Variants in CCND1 observed in about 807,000 individuals in gnomAD.
The protein encoded by CCND1 is cyclin D1.
In CCND1, 9 loss-of-function variants were observed where a neutral mutation model predicts 26.1. The ratio of observed to expected loss-of-function variants is 0.35; its 90% CI spans 0.21 to 0.60. CCND1 has a LOEUF of 0.60. Among genes scored for constraint, CCND1 ranks in the 20% least tolerant of loss-of-function variants. CCND1 has a pLI of 0.79. For missense variants in CCND1, 335 were observed against 392.9 expected, an observed-to-expected ratio of 0.85 and a Z score of 1.25; for synonymous variants, 194 against 166.1, an observed-to-expected ratio of 1.17 and a Z score of -1.29.
chr11:69,641,425 T>C lies in CCND1; in HGVS notation c.112T>C (p.Cys38Arg), dbSNP rs2120080896. Residue 38 changes from cysteine to arginine, a missense_variant, in exon 1 of 5, where the codon TGC becomes CGC. Transcript: ENST00000227507. Reference sequence around the variant, plus strand: ...GGCCATGCTGAAGGCGGAGGAGACCTGCGCGCCCTCGGTGTCCTACTTCAA... The same window carrying C: ...GGCCATGCTGAAGGCGGAGGAGACCCGCGCGCCCTCGGTGTCCTACTTCAA... ...LRAMLKAEET[C>R]APSVSYFKCV... The C allele has an allele frequency of 9.9e-6, 16 of 1,613,428 alleles. No individual in the cohort carries two copies. The highest frequency in any genetic ancestry group is 1.4e-5 in the Non-Finnish European group (16 of 1,180,006).
chr11:69,649,701 G>A (rs905598623), intron 4 of CCND1, among the ~76,000 whole-genome samples: 1 of 152,176 alleles, frequency 6.6e-6, no homozygotes, highest in Non-Finnish European at 1.5e-5. Context: ...GGCAGCTGTG[G>A]GGCCAGAGGA....
chr11:69,651,221 A>T lies in CCND1; in HGVS notation c.827A>T (p.Glu276Val), dbSNP rs1436128793. Residue 276 changes from glutamate to valine, a missense_variant, in exon 5 of 5, where the codon GAG becomes GTG. By Grantham distance (121) the Glu-to-Val change is moderately radical. Coordinates refer to ENST00000227507, the MANE Select transcript of CCND1 (RefSeq NM_053056.3). The part of the protein sequence containing the change: ...MDPKAAEEEE[E>V]EEEEVDLACT... ...CCCAAGGCCGCCGAGGAGGAGGAAG[A>T]GGAGGAGGAGGAGGTGGACCTGGCT... 6.4e-7 allele frequency: 1 copy of T among 1,571,770 alleles called. No homozygotes were observed. The highest frequency in any genetic ancestry group is 8.7e-7 in the Non-Finnish European group (1 of 1,156,010).
At position 69,654,455 on chromosome 11, in the gene CCND1, A is replaced by G. The variant is rs1196301536; in HGVS notation, c.*3173A>G. 4.5e-6 allele frequency: 3 copies of G among 662,840 alleles called. No individual in the cohort carries two copies. The highest frequency in any genetic ancestry group is 8.3e-6 in the Non-Finnish European group (3 of 363,390). The allele number at this position is 662,840 out of a possible 1,614,324, so 41.1% of individuals were successfully genotyped here. On this transcript the variant is annotated 3_prime_UTR_variant, in exon 5 of 5. Coordinates refer to ENST00000227507, the MANE Select transcript of CCND1 (RefSeq NM_053056.3). This position sits in a 1 kb window ranked among gnomAD's most constrained non-coding sequence, Gnocchi z 6.3. The stretch of plus-strand genomic sequence containing the variant: ...AAAAGACAAACATGAAAGTCTAGAA[A>G]TAAAACTGGTAAAACCCCAGCGTGG...
chr11:69,649,271 C>A (rs573147916), intron 4 of CCND1, among the ~76,000 whole-genome samples: 2 of 152,236 alleles, frequency 1.3e-5, no homozygotes, highest in African/African-American at 4.8e-5. Flanking sequence ...TCGAACTCCA[C>A]GCCCTGAGTG....
chr11:69,646,348 G>T (rs1855779545), intron 3 of CCND1, among the ~76,000 whole-genome samples: 2 of 152,176 alleles, frequency 1.3e-5, no homozygotes, highest in African/African-American at 4.8e-5. Context: ...AGCCGGCTTT[G>T]TCTCCCCTTC....
chr11:69,641,591 CT>C, intron 1 of CCND1, 80 bp downstream of exon 1: 1 of 1,282,222 alleles, frequency 7.8e-7, no homozygotes, highest in African/African-American at 1.5e-5. Context: ...ACTCACCCCC[CT>C]CCCTTCTCTC....
intron 3 of CCND1, among the ~76,000 whole-genome samples, chr11:69,646,527 C>A (rs1362522693): frequency 6.6e-6 from 1 of 152,198 alleles, no homozygotes; most frequent in Non-Finnish European, 1.5e-5. Context: ...GCTCCCCCGA[C>A]CCCCCTTGTT....
chr11:69,647,881 T>C, intron 3 of CCND1, 113 bp from the exon 4 acceptor site: 2 of 1,233,770 alleles, frequency 1.6e-6, no homozygotes, highest in Non-Finnish European at 2.3e-6. Context: ...ACCGAGTGCT[T>C]CCCTTCAGGC....
At position 69,651,455 on chromosome 11, in the gene CCND1, T is replaced by A; in HGVS notation, c.*173T>A. ...CTCTTTCCCCCTTCCATCTCTGACT[T>A]AAGCAAAAGAAAAAGATTACCCAAA... is the stretch of plus-strand genomic sequence containing the variant. On this transcript the variant is annotated 3_prime_UTR_variant, in exon 5 of 5. Transcript: ENST00000227507. The A allele has an allele frequency of 2.0e-6, 1 of 504,858 alleles. No individual in the cohort carries two copies. Among genetic ancestry groups the A allele is most frequent in the Non-Finnish European group, 3.2e-6 (1 of 309,182 alleles). The allele number at this position is 504,858 out of a possible 1,614,324, so 31.3% of individuals were successfully genotyped here.
rs2120079839 is a variant in CCND1, at chr11:69,641,348, C to A, written c.35C>A (p.Thr12Asn). The A allele has an allele frequency of 1.9e-6, 3 of 1,613,072 alleles. No individual in the cohort carries two copies. The highest frequency in any genetic ancestry group is 2.5e-6 in the Non-Finnish European group (3 of 1,180,016). ...CAGCTCCTGTGCTGCGAAGTGGAAACCATCCGCCGCGCGTACCCCGATGCC... is the reference window on the plus strand; with the variant it reads ...CAGCTCCTGTGCTGCGAAGTGGAAAACATCCGCCGCGCGTACCCCGATGCC... ...EHQLLCCEVETIRRAYPDANL... is the reference protein window; with the variant it reads ...EHQLLCCEVENIRRAYPDANL... The change falls in exon 1 of 5, where the codon ACC becomes AAC. Residue 12 changes from threonine (T) to asparagine (N), a missense_variant. Physicochemically the swap from Thr to Asn is moderately conservative, Grantham distance 65. Transcript: ENST00000227507.
intron 1 of CCND1, among the ~76,000 whole-genome samples, chr11:69,642,788 G>A (rs1356570276): frequency 6.6e-6 from 1 of 151,864 alleles, no homozygotes; most frequent in African/African-American, 2.4e-5. Flanking sequence ...CCGCCCAGCT[G>A]TGCCCGCTCC....
intron 4 of CCND1, among the ~76,000 whole-genome samples, chr11:69,648,984 A>C (rs909478440): frequency 2.6e-5 from 4 of 152,120 alleles, no homozygotes; most frequent in African/African-American, 9.7e-5. Context: ...GCGGCTGCCC[A>C]GCCCATGTGT....
At position 69,653,423 on chromosome 11, in the gene CCND1, T is replaced by G. The variant is rs1398710506; in HGVS notation, c.*2141T>G. 1.6e-6 allele frequency: 1 copy of G among 633,496 alleles called. No individual in the cohort carries two copies. The highest frequency in any genetic ancestry group is 1.9e-5 in the African/African-American group (1 of 53,270). The allele number at this position is 633,496 out of a possible 1,614,324, so 39.2% of individuals were successfully genotyped here. ...ATTACAGATGCCTTTTTTGTAGTTT[T>G]TTTTTTTTTTATGTGATCAATTTTG... is the stretch of plus-strand genomic sequence containing the variant. On this transcript the variant is annotated 3_prime_UTR_variant, in exon 5 of 5. Transcript: ENST00000227507.
At position 69,641,368 on chromosome 11, in the gene CCND1, G is replaced by A. The variant is rs2120080084; in HGVS notation, c.55G>A (p.Asp19Asn). 1 of 1,613,306 alleles carries A rather than the reference G, an allele frequency of 6.2e-7. No homozygotes were observed. Among genetic ancestry groups the A allele is most frequent in the Non-Finnish European group, 8.5e-7 (1 of 1,180,020 alleles). ...EVETIRRAYP[D>N]ANLLNDRVLR... is the part of the protein sequence containing the mutation. ...GGAAACCATCCGCCGCGCGTACCCC[G>A]ATGCCAACCTCCTCAACGACCGGGT... Residue 19 changes from aspartate to asparagine, a missense_variant, in exon 1 of 5, where the codon GAT becomes AAT. Physicochemically the swap from Asp to Asn is conservative, Grantham distance 23 (BLOSUM62 1). Transcript: ENST00000227507.
In CCND1 at chr11:69,653,315, T is replaced by C. The variant is rs1343542350; in HGVS notation, c.*2033T>C. On this transcript the variant is annotated 3_prime_UTR_variant, in exon 5 of 5. Coordinates refer to ENST00000227507, the MANE Select transcript of CCND1 (RefSeq NM_053056.3). Reference sequence around the variant, plus strand: ...TTCTGTGTATCTCTTTCACATTGTTTGCTGCTATTGGAGGATCAGTTTTTT... The same window carrying C: ...TTCTGTGTATCTCTTTCACATTGTTCGCTGCTATTGGAGGATCAGTTTTTT... The C allele has an allele frequency of 2.8e-6, 2 of 702,872 alleles. No individual in the cohort carries two copies. The highest frequency in any genetic ancestry group is 1.7e-5 in the African/African-American group (1 of 57,280). The allele number at this position is 702,872 out of a possible 1,614,324, so 43.5% of individuals were successfully genotyped here. A position where few individuals can be genotyped will look rare whatever the true frequency, so the allele number is the denominator to read the frequency against.
chr11:69,642,238 C>A (rs1033164777), intron 1 of CCND1, among the ~76,000 whole-genome samples: 1 of 152,320 alleles, frequency 6.6e-6, no homozygotes, highest in East Asian at 1.9e-4. Context: ...GCGTGGCCCC[C>A]AAGACGCCAG....
At position 69,647,981 on chromosome 11, in the gene CCND1, C is replaced by T. The variant is rs1205497502; in HGVS notation, c.575-13C>T. On this transcript the variant is annotated splice_polypyrimidine_tract_variant and intron_variant, in intron 3 of 4. Coordinates refer to ENST00000227507, the MANE Select transcript of CCND1 (RefSeq NM_053056.3). Reference sequence around the variant, plus strand: ...CTGCTCACAGCCTCCTTCCCTCTCTCCTTCTGCCTCAGATGTGAAGTTCAT... The same window carrying T: ...CTGCTCACAGCCTCCTTCCCTCTCTTCTTCTGCCTCAGATGTGAAGTTCAT... The T allele has an allele frequency of 3.7e-6, 6 of 1,613,636 alleles. No individual in the cohort carries two copies. In the East Asian group the frequency reaches 8.9e-5, roughly 24 times the overall value.
Position 69,652,591 on chromosome 11 carries a change from G to A in CCND1, c.*1309G>A, listed in dbSNP as rs116435189. 4.3e-6 allele frequency: 1 copy of A among 233,266 alleles called. No individual in the cohort carries two copies. The highest frequency in any genetic ancestry group is 2.2e-5 in the African/African-American group (1 of 45,450). The allele number at this position is 233,266 out of a possible 1,614,324, so 14.4% of individuals were successfully genotyped here. A position where few individuals can be genotyped will look rare whatever the true frequency, so the allele number is the denominator to read the frequency against. ...GTGCCAACTGGTGTTTGAAAGTAGG[G>A]ACCTCAGAGGTTTACCTAGAGAACA... On this transcript the variant is annotated 3_prime_UTR_variant, in exon 5 of 5. Coordinates refer to ENST00000227507, the MANE Select transcript of CCND1 (RefSeq NM_053056.3).
rs1165449107 is a variant in CCND1 at position 69,654,232 on chromosome 11, G to A, written c.*2950G>A. On this transcript the variant is annotated 3_prime_UTR_variant, in exon 5 of 5. Transcript: ENST00000227507. This position sits in a 1 kb window ranked among gnomAD's most constrained non-coding sequence, Gnocchi z 6.3. ...GGGACGCTTTGTCTGTCGTGATGGG[G>A]CAAGGGCACAAGTCCTGGATGTTGT... 1.4e-6 allele frequency: 1 copy of A among 702,554 alleles called. No homozygotes were observed. The highest frequency in any genetic ancestry group is 2.0e-5 in the Admixed American group (1 of 50,010). 43.5% of individuals were successfully genotyped at this position (702,554 alleles called of 1,614,324 possible).
Sources: allele counts gnomAD v4.1 joint callset (sites outside exome capture counted in the v4.1 genomes callset), GRCh38; gene constraint gnomAD v4.1.1; non-coding constraint Gnocchi (gnomAD v3.1); transcripts MANE v1.5; gene names NCBI Gene and HGNC (gene_info 2026-07-23, HGNC 2026-07-21).